TDRD1: variants seen among roughly 807,000 people sequenced by gnomAD.
TDRD1 encodes tudor domain-containing protein 1.
In TDRD1, 37 loss-of-function variants were observed where a neutral mutation model predicts 140.6. The observed-to-expected ratio is 0.26, with a 90% CI of 0.20 to 0.35. The LOEUF (loss-of-function observed/expected upper bound fraction) is 0.35, where lower values mean the gene tolerates loss of function less well. Among genes scored for constraint, TDRD1 ranks in the 10% least tolerant of loss-of-function variants. TDRD1 has a pLI of 1.00. For synonymous variants in TDRD1, 506 were observed against 475.7 expected, an observed-to-expected ratio of 1.06 and a Z score of -0.83; for missense variants, 1,243 against 1,393.0, an observed-to-expected ratio of 0.89 and a Z score of 1.71.
chr10:114,197,564 T>G (rs1424591660), intron 3 of TDRD1, among the ~76,000 whole-genome samples: 1 of 152,158 alleles, frequency 6.6e-6, no homozygotes, highest in Non-Finnish European at 1.5e-5. Context: ...TGATTTTTTT[T>G]TTTCCGGCAT....
intron 23 of TDRD1, 101 bp from the exon 24 acceptor site, chr10:114,227,809 C>T: frequency 1.1e-6 from 1 of 874,956 alleles, no homozygotes; most frequent in East Asian, 2.4e-5. Flanking sequence ...TAGTCGGAAC[C>T]CATGCGCAAG....
At position 114,185,896 on chromosome 10, in the gene TDRD1, A is replaced by G. The variant is rs368359434; in HGVS notation, c.-6-1930A>G. ...GAGCCACCGTGCCTGGCCTAACGTT[A>G]CATCTTTTAGTTGTTTGCATAGCAC... On this transcript the variant is annotated intron_variant, in intron 1 of 25. Coordinates refer to ENST00000251864, the Ensembl canonical transcript of TDRD1. Among the ~76,000 whole-genome samples the G allele has an allele frequency of 1.8e-3, 270 of 152,174 alleles. 2 individuals carry two copies. Among genetic ancestry groups the G allele is most frequent in the African/African-American group, 6.1e-3 (253 of 41,528 alleles).
chr10:114,179,579 T>C (rs1292318783), intron 1 of TDRD1, 163 bp downstream of exon 1: 2 of 152,298 alleles, frequency 1.3e-5, no homozygotes, highest in Non-Finnish European at 2.9e-5. Context: ...GGAACCTTGC[T>C]GCGAGGGTTT....
intron 3 of TDRD1, among the ~76,000 whole-genome samples, chr10:114,197,853 G>A (rs1206994218): frequency 4.0e-5 from 6 of 151,832 alleles, no homozygotes; most frequent in African/African-American, 9.7e-5. Context: ...GATGGGGTTC[G>A]CCATATTGGC....
intron 17 of TDRD1, 27 bp downstream of exon 17, chr10:114,217,682 C>CT (rs2035898695): frequency 7.6e-6 from 9 of 1,177,196 alleles, no homozygotes; most frequent in Non-Finnish European, 1.1e-5. Flanking sequence ...GCAATCTTGA[C>CT]TTTTAGAACC....
At chr10:114,210,468 A>G (rs1437435126) in intron 11 of TDRD1, 113 bp from the exon 12 acceptor site, 3 of 1,061,268 alleles carry the variant, frequency 2.8e-6, no homozygotes, top group South Asian at 4.3e-5. Context: ...GCCATCTTCC[A>G]GGAACCTTGC....
intron 18 of TDRD1, among the ~76,000 whole-genome samples, chr10:114,219,532 G>C (rs968126910): frequency 6.6e-6 from 1 of 151,638 alleles, no homozygotes; most frequent in East Asian, 1.9e-4. Context: ...TATTTCTTCT[G>C]CTAATCTGTT....
At position 114,227,213 on chromosome 10, in the gene TDRD1, A is replaced by AT. The variant is rs1298911380; in HGVS notation, c.3318dup (p.Gly1107TrpfsTer7). 6.2e-7 allele frequency: 1 copy of AT among 1,614,170 alleles called. No individual in the cohort carries two copies. Among genetic ancestry groups the AT allele is most frequent in the South Asian group, 1.1e-5 (1 of 91,086 alleles). On this transcript the variant is annotated frameshift_variant, in exon 23 of 26. Transcript: ENST00000251864. LOFTEE classifies it high-confidence loss of function. ...GTGTCAGTTGAGAAATGTTCTGAGAATGGGACTGTCGATGTAGCTGATAAG... is the reference window on the plus strand; with the variant it reads ...GTGTCAGTTGAGAAATGTTCTGAGAATTGGGACTGTCGATGTAGCTGATAAG...
At chr10:114,210,942 T>G (rs2035444363) in exon 13 of TDRD1, 1 of 1,614,070 alleles carries the variant, frequency 6.2e-7, no homozygotes, top group South Asian at 1.1e-5. Flanking sequence ...CAGCCATTGG[T>G]GATATATGTT....
intron 16 of TDRD1, among the ~76,000 whole-genome samples, chr10:114,216,364 G>T (rs777109881): frequency 6.6e-6 from 1 of 152,088 alleles, no homozygotes; most frequent in Non-Finnish European, 1.5e-5. Context: ...TTAACATCTA[G>T]TTGCTCCACA....
intron 10 of TDRD1, 67 bp downstream of exon 10, chr10:114,204,960 A>C: frequency 7.1e-7 from 1 of 1,399,036 alleles, no homozygotes; most frequent in Non-Finnish European, 9.5e-7. Flanking sequence ...ACTCAGAAGA[A>C]ACGGAAACAT....
intron 13 of TDRD1, 63 bp downstream of exon 13, chr10:114,211,030 G>A: frequency 7.6e-7 from 1 of 1,322,868 alleles, no homozygotes; most frequent in South Asian, 1.4e-5. Context: ...TTAGAATTGA[G>A]TAAAAACCAT....
chr10:114,217,093 C>T lies in TDRD1; in HGVS notation c.2213-452C>T, dbSNP rs558477563. ...AGCCATGTCTTCCTTCTGGAAATAC[C>T]CTCTCCTTCAAATGTGATGTACTTT... On this transcript the variant is annotated intron_variant, in intron 16 of 25. Transcript: ENST00000251864. Among the ~76,000 whole-genome samples, 6 of 152,168 alleles carry T rather than the reference C, an allele frequency of 3.9e-5. No individual in the cohort carries two copies. In the East Asian group the frequency reaches 7.7e-4, roughly 20 times the overall value.
Position 114,207,992 on chromosome 10 carries a change from A to G in TDRD1, c.1384+1662A>G, listed in dbSNP as rs1295319868. On this transcript the variant is annotated intron_variant, in intron 11 of 25. Transcript: ENST00000251864. ...GGTGGGAGGGTACCTAAGACTTGCA[A>G]TAAAGCCATCTGGAAGTGATGCCAC... 2.6e-5 allele frequency among the ~76,000 whole-genome samples: 4 copies of G among 152,228 alleles called. No homozygotes were observed. In the East Asian group the frequency reaches 5.8e-4, roughly 22 times the overall value.
exon 22 of TDRD1, chr10:114,226,174 C>T (rs2036425149): frequency 1.2e-6 from 2 of 1,613,842 alleles, no homozygotes; most frequent in African/African-American, 2.7e-5. Context: ...CACCTCTAGC[C>T]ACCTGGCGCT....
At chr10:114,216,616 G>C (rs1172708387) in intron 16 of TDRD1, among the ~76,000 whole-genome samples, 2 of 152,158 alleles carry the variant, frequency 1.3e-5, no homozygotes, top group South Asian at 4.1e-4. Flanking sequence ...TCCTTGTACT[G>C]TGATTTTTAC....
intron 13 of TDRD1, among the ~76,000 whole-genome samples, chr10:114,211,639 G>A (rs1589695598): frequency 2.0e-5 from 3 of 152,212 alleles, no homozygotes; most frequent in African/African-American, 7.2e-5. Flanking sequence ...GACAAGGCAT[G>A]TAAACTAATG....
rs764144618 is a variant in TDRD1, at chr10:114,191,046, T to G, written c.384+27T>G. On this transcript the variant is annotated intron_variant, in intron 3 of 25. Coordinates refer to ENST00000251864, the Ensembl canonical transcript of TDRD1. Reference sequence around the variant, plus strand: ...TAAGTTATTTTATTGTGTGTGTGCTTGTTTGGGTAAAAGATTCTAAACATG... The same window carrying G: ...TAAGTTATTTTATTGTGTGTGTGCTGGTTTGGGTAAAAGATTCTAAACATG... 2.5e-6 allele frequency: 4 copies of G among 1,604,994 alleles called. No homozygotes were observed. In the African/African-American group the frequency reaches 5.4e-5, roughly 21 times the overall value.
chr10:114,218,806 T>C (rs1401291982), intron 18 of TDRD1, among the ~76,000 whole-genome samples: 2 of 152,206 alleles, frequency 1.3e-5, no homozygotes, highest in Non-Finnish European at 2.9e-5. Context: ...TGCACGATCC[T>C]CTGGAAGGCA....
Sources: allele counts gnomAD v4.1 joint callset (sites outside exome capture counted in the v4.1 genomes callset), GRCh38; gene constraint gnomAD v4.1.1; transcripts MANE v1.5; gene names NCBI Gene and HGNC (gene_info 2026-07-23, HGNC 2026-07-21).